The following KPNB1 variants were observed in gnomAD, a reference collection of about 807,000 sequenced individuals.
KPNB1 encodes karyopherin subunit beta 1, also known as importin subunit beta-1.
In KPNB1, 7 loss-of-function variants were observed where a neutral mutation model predicts 113.0. That is an observed-to-expected ratio of 0.06 (90% CI 0.04 to 0.12). The LOEUF (loss-of-function observed/expected upper bound fraction) is 0.12, where lower values mean the gene tolerates loss of function less well. Ranked by LOEUF, KPNB1 falls within the 10% of genes least tolerant of loss-of-function variation. The pLI is 1.00. For synonymous variants in KPNB1, 363 were observed against 378.6 expected, an observed-to-expected ratio of 0.96 and a Z score of 0.48; for missense variants, 400 against 1,054.8, an observed-to-expected ratio of 0.38 and a Z score of 8.60.
At chr17:47,661,291 A>G in intron 6 of KPNB1, 113 bp downstream of exon 6, 1 of 813,746 alleles carries the variant, frequency 1.2e-6, no homozygotes, top group Non-Finnish European at 2.1e-6. Flanking sequence ...AGGTTTGATT[A>G]ATATTGTTAC....
At chr17:47,661,320 C>A in intron 6 of KPNB1, 142 bp downstream of exon 6, 1 of 716,598 alleles carries the variant, frequency 1.4e-6, no homozygotes, top group Non-Finnish European at 2.4e-6. Context: ...AATATTCTGG[C>A]TGGGCATGGT....
At chr17:47,650,339 G>T (rs1252777068) in intron 1 of KPNB1, 47 bp from the exon 2 acceptor site, 11 of 1,610,668 alleles carry the variant, frequency 6.8e-6, no homozygotes, top group Non-Finnish European at 6.8e-6. Context: ...GGGAGGGGAG[G>T]CCCGGCCCCT....
chr17:47,663,224 A>G (rs1226273334), intron 7 of KPNB1, 46 bp downstream of exon 7: 1 of 975,430 alleles, frequency 1.0e-6, no homozygotes, highest in Non-Finnish European at 1.7e-6. Flanking sequence ...CTAATTACAG[A>G]GCCCATCATC....
intron 3 of KPNB1, among the ~76,000 whole-genome samples, chr17:47,656,011 T>C (rs1215845810): frequency 6.6e-6 from 1 of 152,136 alleles, no homozygotes; most frequent in East Asian, 1.9e-4. Flanking sequence ...CCCAGTACTT[T>C]GGTAGGCCGA....
At chr17:47,680,358 C>A (rs536937500) in intron 20 of KPNB1, 150 bp from the exon 21 acceptor site, 2 of 890,756 alleles carry the variant, frequency 2.2e-6, no homozygotes, top group African/African-American at 3.4e-5. Context: ...TGATGTTGGT[C>A]AACAATTGCC....
chr17:47,683,115 A>C lies in KPNB1; in HGVS notation c.*711A>C, dbSNP rs1454508052. 3 of 147,786 alleles carry C rather than the reference A, an allele frequency of 2.0e-5. No homozygotes were observed. Among genetic ancestry groups the C allele is most frequent in the East Asian group, 1.9e-4 (1 of 5,142 alleles). 9.2% of individuals were successfully genotyped at this position (147,786 alleles called of 1,614,324 possible). ...TAAAAAAAAAAAAAAAAAAAAAAAA[A>C]AAAACACACACACAGAGGAAAGACG... On this transcript the variant is annotated 3_prime_UTR_variant, in exon 22 of 22. Transcript: ENST00000290158.
chr17:47,672,563 A>G (rs1239746599), intron 12 of KPNB1, among the ~76,000 whole-genome samples: 1 of 150,546 alleles, frequency 6.6e-6, no homozygotes, highest in African/African-American at 2.4e-5. Flanking sequence ...GCTAATTTTT[A>G]TATTTTTAGT....
rs2030838566 is a variant in KPNB1, at chr17:47,683,111, A to AC, written c.*707_*708insC. The AC allele has an allele frequency of 6.8e-6, 1 of 147,158 alleles. No homozygotes were observed. The highest frequency in any genetic ancestry group is 2.5e-5 in the African/African-American group (1 of 39,944). 9.1% of individuals were successfully genotyped at this position (147,158 alleles called of 1,614,324 possible). On this transcript the variant is annotated 3_prime_UTR_variant, in exon 22 of 22. Coordinates refer to ENST00000290158, the MANE Select transcript of KPNB1 (RefSeq NM_002265.6). ...GATGTAAAAAAAAAAAAAAAAAAAA[A>AC]AAAAAAAACACACACACAGAGGAAA...
chr17:47,660,106 C>T (rs115676786), intron 5 of KPNB1, among the ~76,000 whole-genome samples: 1 of 152,130 alleles, frequency 6.6e-6, no homozygotes, highest in African/African-American at 2.4e-5. Flanking sequence ...TACTGAACAA[C>T]AACTCCTCAT....
In KPNB1 at chr17:47,650,065, G is replaced by A; in HGVS notation, c.-180G>A. On this transcript the variant is annotated 5_prime_UTR_variant, in exon 1 of 22. Transcript: ENST00000290158. ...GGAGGGAGGAAGTAAGGGAAGAGGA[G>A]AGGAAGGGGAGCCGGACCGACTACC... 6.5e-6 allele frequency: 9 copies of A among 1,391,736 alleles called. No homozygotes were observed. Among genetic ancestry groups the A allele is most frequent in the South Asian group, 3.3e-5 (2 of 59,990 alleles). The allele number at this position is 1,391,736 out of a possible 1,614,324, so 86.2% of individuals were successfully genotyped here.
chr17:47,653,630 A>T (rs1001309374), intron 3 of KPNB1, among the ~76,000 whole-genome samples: 1 of 152,142 alleles, frequency 6.6e-6, no homozygotes, highest in Non-Finnish European at 1.5e-5. Flanking sequence ...TGCAGTCATC[A>T]TTTTGTCCTT....
At position 47,665,407 on chromosome 17, in the gene KPNB1, A is replaced by C. The variant is rs147358957; in HGVS notation, c.999+249A>C. On this transcript the variant is annotated intron_variant, in intron 9 of 21. Transcript: ENST00000290158. ...AGCCACATGCTGCTCTGATTTCCTG[A>C]GTGCTCCATTGTCCAAACTCATAAA... Among the ~76,000 whole-genome samples the C allele has an allele frequency of 1.1e-3, 164 of 152,344 alleles. 1 individual carries two copies. The highest frequency in any genetic ancestry group is 1.2e-3 in the Non-Finnish European group (84 of 68,040).
chr17:47,665,877 T>C (rs1177132958), intron 9 of KPNB1, among the ~76,000 whole-genome samples: 1 of 152,230 alleles, frequency 6.6e-6, no homozygotes, highest in Non-Finnish European at 1.5e-5. Flanking sequence ...CGAAACAATG[T>C]TGGTAACTGA....
At chr17:47,650,342 C>A in intron 1 of KPNB1, 44 bp from the exon 2 acceptor site, 1 of 1,610,524 alleles carries the variant, frequency 6.2e-7, no homozygotes, top group Non-Finnish European at 8.5e-7. Flanking sequence ...AGGGGAGGCC[C>A]GGCCCCTCTG....
At chr17:47,681,699 T>G (rs1034377267) in intron 21 of KPNB1, among the ~76,000 whole-genome samples, 14 of 146,238 alleles carry the variant, frequency 9.6e-5, no homozygotes, top group East Asian at 2.0e-4. Flanking sequence ...TTTTTTTTTT[T>G]TTTTTTTTTT....
chr17:47,671,417 T>C (rs1052586437), intron 12 of KPNB1, among the ~76,000 whole-genome samples: 6 of 152,234 alleles, frequency 3.9e-5, no homozygotes, highest in African/African-American at 1.4e-4. Flanking sequence ...GAGAGGTTCC[T>C]TCATTTTGCA....
chr17:47,673,707 G>A (rs2030515812), intron 14 of KPNB1, 146 bp downstream of exon 14: 1 of 645,420 alleles, frequency 1.5e-6, no homozygotes, highest in Non-Finnish European at 2.8e-6. Context: ...GTCTGTGATT[G>A]GTTGATTGGG....
Position 47,677,067 on chromosome 17 carries a change from G to A in KPNB1, c.2043G>A (p.Leu681=). ...VGLVGDLCRA[L]QSNIIPFCDE... is the part of the protein sequence containing the mutation. Reference sequence around the variant, plus strand: ...TAGTGGGAGACTTGTGCCGTGCCCTGCAATCCAACATCATACCTTTCTGTG... The same window carrying A: ...TAGTGGGAGACTTGTGCCGTGCCCTACAATCCAACATCATACCTTTCTGTG... Residue 681 remains leucine (L), a synonymous_variant, in exon 17 of 22, where the codon CTG becomes CTA. Coordinates refer to ENST00000290158, the MANE Select transcript of KPNB1 (RefSeq NM_002265.6). 1.2e-6 allele frequency: 2 copies of A among 1,614,036 alleles called. No individual in the cohort carries two copies. The highest frequency in any genetic ancestry group is 1.7e-6 in the Non-Finnish European group (2 of 1,179,990).
At chr17:47,663,010 T>C (rs2030154934) in intron 6 of KPNB1, 79 bp from the exon 7 acceptor site, 5 of 797,210 alleles carry the variant, frequency 6.3e-6, no homozygotes, top group Non-Finnish European at 1.1e-5. Flanking sequence ...CTTAGGATTA[T>C]TGGCCCATTT....
Sources: gnomAD v4.1 joint callset for allele counts (sites outside exome capture counted in the v4.1 genomes callset) on GRCh38, gnomAD v4.1.1 for gene constraint, MANE v1.5 for transcripts, NCBI Gene and HGNC (gene_info 2026-07-23, HGNC 2026-07-21) for gene names.